The following SPRED1 variants were observed in gnomAD, a reference collection of about 807,000 sequenced individuals.
SPRED1 encodes sprouty-related, EVH1 domain-containing protein 1.
A neutral mutation model predicts 52.3 loss-of-function variants in SPRED1; 18 were observed. That is an observed-to-expected ratio of 0.34 (90% CI 0.24 to 0.51). The LOEUF (loss-of-function observed/expected upper bound fraction) is 0.51. Ranked by LOEUF, SPRED1 falls within the 20% of genes least tolerant of loss-of-function variation. The pLI, the probability that SPRED1 is intolerant of heterozygous loss-of-function variation, is 0.97. For missense variants in SPRED1, 485 were observed against 551.0 expected, an observed-to-expected ratio of 0.88 and a Z score of 1.20; for synonymous variants, 155 against 179.7, an observed-to-expected ratio of 0.86 and a Z score of 1.10.
chr15:38,254,626 T>C (rs1398817531), intron 1 of SPRED1, among the ~76,000 whole-genome samples: 2 of 151,950 alleles, frequency 1.3e-5, no homozygotes, highest in East Asian at 3.9e-4. Flanking sequence ...GTAAGAAGAA[T>C]GTGAAATTTT....
intron 3 of SPRED1, among the ~76,000 whole-genome samples, chr15:38,324,514 A>T (rs532199023): frequency 1.3e-4 from 20 of 152,300 alleles, no homozygotes; most frequent in Non-Finnish European, 4.4e-5. Context: ...TAGAGATAGT[A>T]TACTTTCAGA....
At chr15:38,342,846 C>G (rs1896055739) in intron 5 of SPRED1, among the ~76,000 whole-genome samples, 1 of 152,048 alleles carries the variant, frequency 6.6e-6, no homozygotes, top group Non-Finnish European at 1.5e-5. Flanking sequence ...ACCAGTAGCT[C>G]TTTAAATATT....
chr15:38,308,020 G>C (rs1013488118), intron 2 of SPRED1, among the ~76,000 whole-genome samples: 1 of 152,040 alleles, frequency 6.6e-6, no homozygotes, highest in Non-Finnish European at 1.5e-5. Flanking sequence ...TTTTCTTTGG[G>C]AATTTAAAGG....
At chr15:38,286,159 A>G (rs1226541424) in intron 1 of SPRED1, among the ~76,000 whole-genome samples, 1 of 150,272 alleles carries the variant, frequency 6.7e-6, no homozygotes, top group Non-Finnish European at 1.5e-5. Context: ...TGAAATGGGG[A>G]GAATCACTTG....
intron 1 of SPRED1, among the ~76,000 whole-genome samples, chr15:38,282,118 C>T (rs1894703014): frequency 6.6e-6 from 1 of 152,176 alleles, no homozygotes; most frequent in African/African-American, 2.4e-5. Context: ...ATACTCCATG[C>T]ATGTTCCATA....
At chr15:38,349,609 T>C in intron 6 of SPRED1, 86 bp downstream of exon 6, 3 of 957,066 alleles carry the variant, frequency 3.1e-6, no homozygotes, top group African/African-American at 1.6e-5. Context: ...ATTCTCCATA[T>C]AGTTGAATTG....
intron 3 of SPRED1, 116 bp downstream of exon 3, chr15:38,322,525 T>C (rs1895625633): frequency 2.2e-5 from 22 of 1,014,002 alleles, no homozygotes; most frequent in Non-Finnish European, 3.3e-5. Context: ...GCTTTTGTGA[T>C]ATGTGACCAG....
intron 1 of SPRED1, among the ~76,000 whole-genome samples, chr15:38,264,315 T>G (rs1894260564): frequency 6.6e-6 from 1 of 152,208 alleles, no homozygotes; most frequent in Non-Finnish European, 1.5e-5. Context: ...GTCATATACT[T>G]TATTGACAGA....
intron 2 of SPRED1, among the ~76,000 whole-genome samples, chr15:38,303,641 C>A (rs753684926): frequency 6.6e-6 from 1 of 151,828 alleles, no homozygotes; most frequent in Admixed American, 6.6e-5. Context: ...TCATGGGGAT[C>A]TAAAGTAGTT....
chr15:38,332,124 G>T (rs979515922), intron 4 of SPRED1, among the ~76,000 whole-genome samples: 2 of 152,100 alleles, frequency 1.3e-5, no homozygotes, highest in Admixed American at 1.3e-4. Flanking sequence ...CAATATAAAT[G>T]GGATCAAATT....
At position 38,351,206 on chromosome 15, in the gene SPRED1, C is replaced by T; in HGVS notation, c.877C>T (p.Leu293=). ...SKPDSKKSDY[L]YSCGDETKLS... is the part of the protein sequence containing the mutation. Reference sequence around the variant, plus strand: ...ACCAGACAGTAAAAAATCAGACTATCTGTACTCTTGTGGGGATGAGACTAA... The same window carrying T: ...ACCAGACAGTAAAAAATCAGACTATTTGTACTCTTGTGGGGATGAGACTAA... Residue 293 remains leucine, a synonymous_variant, in exon 7 of 7, where the codon CTG becomes TTG. Coordinates refer to ENST00000299084, the MANE Select transcript of SPRED1 (RefSeq NM_152594.3). 1 of 1,614,132 alleles carries T rather than the reference C, an allele frequency of 6.2e-7. No individual in the cohort carries two copies. Among genetic ancestry groups the T allele is most frequent in the Non-Finnish European group, 8.5e-7 (1 of 1,180,006 alleles).
chr15:38,314,514 C>G (rs1473269085), intron 2 of SPRED1, among the ~76,000 whole-genome samples: 2 of 151,808 alleles, frequency 1.3e-5, no homozygotes, highest in Admixed American at 6.6e-5. Context: ...TGTGAGCCTC[C>G]AGTTAAATTT....
chr15:38,305,073 A>G (rs1234612885), intron 2 of SPRED1, among the ~76,000 whole-genome samples: 4 of 152,140 alleles, frequency 2.6e-5, no homozygotes, highest in Non-Finnish European at 5.9e-5. Flanking sequence ...TCACACCTGT[A>G]ATCCCAGCAC....
At chr15:38,255,960 T>C (rs947850938) in intron 1 of SPRED1, among the ~76,000 whole-genome samples, 1 of 151,482 alleles carries the variant, frequency 6.6e-6, no homozygotes, top group Non-Finnish European at 1.5e-5. Context: ...TGTGGTAAAA[T>C]CCAGTAGGGC....
intron 5 of SPRED1, among the ~76,000 whole-genome samples, chr15:38,346,745 G>A (rs1279249899): frequency 6.6e-6 from 1 of 152,198 alleles, no homozygotes; most frequent in East Asian, 1.9e-4. Flanking sequence ...ATGTGCATGA[G>A]TTTCTTTGGA....
intron 1 of SPRED1, among the ~76,000 whole-genome samples, chr15:38,287,336 C>T (rs184178829): frequency 1.2e-4 from 19 of 152,236 alleles, no homozygotes; most frequent in African/African-American, 3.9e-4. Flanking sequence ...CTATTGCTGA[C>T]TCCCTTTCCC....
chr15:38,260,825 ACAGAAGCC>A (rs756490538), intron 1 of SPRED1, among the ~76,000 whole-genome samples: 1 of 152,208 alleles, frequency 6.6e-6, no homozygotes, highest in Non-Finnish European at 1.5e-5. Flanking sequence ...TCTGCAATGG[ACAGAAGCC>A]CAGAAGCCTG....
chr15:38,286,437 T>G (rs541434547), intron 1 of SPRED1, among the ~76,000 whole-genome samples: 1 of 152,124 alleles, frequency 6.6e-6, no homozygotes, highest in South Asian at 2.1e-4. Flanking sequence ...GGAAATCTGC[T>G]TGTATCTTCT....
At chr15:38,314,521 A>G (rs534780010) in intron 2 of SPRED1, among the ~76,000 whole-genome samples, 71 of 151,768 alleles carry the variant, frequency 4.7e-4, no homozygotes, top group Non-Finnish European at 9.2e-4. Context: ...CTCCAGTTAA[A>G]TTTTATTCCT....
Sources: gnomAD v4.1 joint callset for allele counts (sites outside exome capture counted in the v4.1 genomes callset) on GRCh38, gnomAD v4.1.1 for gene constraint, MANE v1.5 for transcripts, NCBI Gene and HGNC (gene_info 2026-07-23, HGNC 2026-07-21) for gene names.